The following RASAL2 variants were observed in gnomAD, a reference collection of about 807,000 sequenced individuals.
RASAL2 encodes ras GTPase-activating protein nGAP.
A neutral mutation model predicts 128.9 loss-of-function variants in RASAL2; 58 were observed. That is an observed-to-expected ratio of 0.45 (90% CI 0.36 to 0.56). The LOEUF (loss-of-function observed/expected upper bound fraction) is 0.56, where lower values mean the gene tolerates loss of function less well. Ranked by LOEUF, RASAL2 falls within the 20% of genes least tolerant of loss-of-function variation. The pLI is 0.00. For missense variants in RASAL2, 1,360 were observed against 1,601.6 expected (o/e 0.85, Z 2.57); for synonymous variants, 561 against 580.8 (o/e 0.97, Z 0.49).
chr1:178,351,318 C>T (rs545598438), intron 3 of RASAL2, among the ~76,000 whole-genome samples: 2 of 152,220 alleles, frequency 1.3e-5, no homozygotes, highest in Non-Finnish European at 2.9e-5. Context: ...GCCTTCCCAA[C>T]AGTCCTTGAA....
chr1:178,296,689 T>G (rs1303672020), intron 2 of RASAL2, among the ~76,000 whole-genome samples: 2 of 138,384 alleles, frequency 1.4e-5, no homozygotes, highest in African/African-American at 6.4e-5. Flanking sequence ...TTTTTTTTTT[T>G]GAGACAGAGT....
At chr1:178,212,818 A>G (rs1663300974) in intron 1 of RASAL2, among the ~76,000 whole-genome samples, 1 of 152,154 alleles carries the variant, frequency 6.6e-6, no homozygotes, top group African/African-American at 2.4e-5. Flanking sequence ...AACTCTTTAA[A>G]TATCATAACA....
At chr1:178,451,851 T>C (rs1677397255) in intron 10 of RASAL2, 136 bp downstream of exon 10, 2 of 1,152,910 alleles carry the variant, frequency 1.7e-6, no homozygotes, top group Non-Finnish European at 2.4e-6. Context: ...TGGAGAAAAA[T>C]TGAAAGTTTC....
At chr1:178,260,396 ATATATATATATATATATATG>A (rs1665638650) in intron 1 of RASAL2, among the ~76,000 whole-genome samples, 1 of 88,032 alleles carries the variant, frequency 1.1e-5, no homozygotes, top group Non-Finnish European at 2.2e-5. Flanking sequence ...ATATATATAT[ATATATATATATATATATATG>A]ATAATAATTT....
intron 9 of RASAL2, among the ~76,000 whole-genome samples, chr1:178,446,272 A>T (rs1338162461): frequency 1.3e-5 from 2 of 152,224 alleles, no homozygotes; most frequent in Non-Finnish European, 2.9e-5. Flanking sequence ...AGCAGATGTG[A>T]GTTCCTTGAA....
chr1:178,432,689 G>A (rs1237618328), intron 5 of RASAL2, among the ~76,000 whole-genome samples: 1 of 151,998 alleles, frequency 6.6e-6, no homozygotes, highest in African/African-American at 2.4e-5. Flanking sequence ...GAAATGAGCA[G>A]TTGTCCTGGA....
intron 1 of RASAL2, among the ~76,000 whole-genome samples, chr1:178,257,625 G>T (rs1278780138): frequency 6.6e-6 from 1 of 151,948 alleles, no homozygotes; most frequent in African/African-American, 2.4e-5. Context: ...CTGCCCACGT[G>T]CTTGAGCCCA....
intron 1 of RASAL2, among the ~76,000 whole-genome samples, chr1:178,231,144 C>A (rs570377537): frequency 6.6e-6 from 1 of 152,274 alleles, no homozygotes; most frequent in African/African-American, 2.4e-5. Context: ...GTGCTGGCTG[C>A]AACCAATTAC....
rs373209390 is a variant in RASAL2 at position 178,349,320 on chromosome 1, G to A, written c.458-40780G>A. Among the ~76,000 whole-genome samples the A allele has an allele frequency of 4.0e-5, 6 of 151,488 alleles. No homozygotes were observed. The East Asian group carries it at 7.9e-4, about 20-fold the overall frequency. The stretch of plus-strand genomic sequence containing the variant: ...CGCGCCTGTAGTCCCAGCTACTCGG[G>A]AGGCTGAGGCAGGGGAATCACTTGA... On this transcript the variant is annotated intron_variant, in intron 3 of 17. Coordinates refer to ENST00000367649, the MANE Select transcript of RASAL2 (RefSeq NM_170692.4).
rs1267026704 is a variant in RASAL2 at position 178,298,295 on chromosome 1, T to G, written c.331-1697T>G. Among the ~76,000 whole-genome samples the G allele has an allele frequency of 2.6e-5, 4 of 152,236 alleles. No individual in the cohort carries two copies. In the East Asian group the frequency reaches 7.7e-4, roughly 29 times the overall value. The stretch of plus-strand genomic sequence containing the variant: ...GAGTACTTTTGGAAGACTTCATGTC[T>G]TTATTGATGCTATTTTTTGGCCTCA... On this transcript the variant is annotated intron_variant, in intron 2 of 17. Transcript: ENST00000367649.
intron 1 of RASAL2, among the ~76,000 whole-genome samples, chr1:178,251,047 A>AGT (rs1665032087): frequency 6.6e-6 from 1 of 152,130 alleles, no homozygotes. Flanking sequence ...GCAAGAGTGA[A>AGT]GTGAGGTCTG....
chr1:178,299,551 G>A (rs907283194), intron 2 of RASAL2, among the ~76,000 whole-genome samples: 1 of 151,978 alleles, frequency 6.6e-6, no homozygotes, highest in Non-Finnish European at 1.5e-5. Context: ...AGGCTGGAGT[G>A]CAGTGGTGTG....
chr1:178,171,126 G>C (rs1423970613), intron 1 of RASAL2, among the ~76,000 whole-genome samples: 1 of 151,874 alleles, frequency 6.6e-6, no homozygotes, highest in Non-Finnish European at 1.5e-5. Context: ...AGAACGTATG[G>C]AGTATTTTTA....
intron 1 of RASAL2, among the ~76,000 whole-genome samples, chr1:178,173,377 A>G (rs1661771261): frequency 6.6e-6 from 1 of 152,128 alleles, no homozygotes; most frequent in Non-Finnish European, 1.5e-5. Context: ...AATGCACAGA[A>G]TAAATGAAAC....
At chr1:178,351,376 T>A (rs1571908545) in intron 3 of RASAL2, among the ~76,000 whole-genome samples, 1 of 152,246 alleles carries the variant, frequency 6.6e-6, no homozygotes, top group Non-Finnish European at 1.5e-5. Flanking sequence ...ACCCAAAGTA[T>A]CATCTTAGAG....
intron 4 of RASAL2, chr1:178,411,675 C>T: frequency 1.2e-6 from 1 of 820,104 alleles, no homozygotes; most frequent in Non-Finnish European, 2.2e-6. Flanking sequence ...CCTTCAGTGA[C>T]ACTTTTGTCC....
intron 1 of RASAL2, among the ~76,000 whole-genome samples, chr1:178,282,252 C>T (rs556492036): frequency 2.0e-5 from 3 of 152,152 alleles, no homozygotes; most frequent in East Asian, 3.9e-4. Context: ...TTGATAAACC[C>T]CCAAACATGC....
At chr1:178,188,948 A>G (rs1204115588) in intron 1 of RASAL2, among the ~76,000 whole-genome samples, 1 of 152,146 alleles carries the variant, frequency 6.6e-6, no homozygotes, top group South Asian at 2.1e-4. Context: ...AGCCATATTT[A>G]CTGGTGCCAG....
chr1:178,378,731 A>G (rs1245058882), intron 3 of RASAL2, among the ~76,000 whole-genome samples: 1 of 152,200 alleles, frequency 6.6e-6, no homozygotes, highest in Non-Finnish European at 1.5e-5. Flanking sequence ...AATACTAAGC[A>G]ATACTGAAAA....
Sources: gnomAD v4.1 joint callset for allele counts (sites outside exome capture counted in the v4.1 genomes callset) on GRCh38, gnomAD v4.1.1 for gene constraint, MANE v1.5 for transcripts, NCBI Gene and HGNC (gene_info 2026-07-23, HGNC 2026-07-21) for gene names.